The following EPM2A variants were observed in gnomAD, a reference collection of about 807,000 sequenced individuals.
EPM2A encodes the protein EPM2A glucan phosphatase, laforin, also known as laforin.
EPM2A carries 21 observed loss-of-function variants against 26.5 expected under a neutral mutation model. The ratio of observed to expected loss-of-function variants is 0.79; its 90% confidence interval spans 0.56 to 1.14. EPM2A has a LOEUF of 1.14. Ranked by LOEUF, EPM2A falls within the 50% of genes most tolerant of loss-of-function variation. The pLI is 0.00. For missense variants in EPM2A, 458 were observed against 440.8 expected (o/e 1.04, Z -0.35); for synonymous variants, 217 against 177.6 (o/e 1.22, Z -1.76).
At chr6:145,543,460 T>G (rs575442869) in intron 2 of EPM2A, among the ~76,000 whole-genome samples, 5 of 152,162 alleles carry the variant, frequency 3.3e-5, no homozygotes, top group Non-Finnish European at 7.3e-5. Context: ...CAGATGAGAA[T>G]TCTGCAGCTC....
intron 2 of EPM2A, among the ~76,000 whole-genome samples, chr6:145,588,874 A>C (rs1256392692): frequency 6.6e-6 from 1 of 152,224 alleles, no homozygotes; most frequent in Non-Finnish European, 1.5e-5. Flanking sequence ...TGGTTATTTG[A>C]GCAGGGGAAC....
chr6:145,605,809 A>G (rs910803684), intron 2 of EPM2A, among the ~76,000 whole-genome samples: 4 of 152,298 alleles, frequency 2.6e-5, no homozygotes, highest in Admixed American at 2.6e-4. Flanking sequence ...GATGAAATTA[A>G]AAGTCTGCTT....
At chr6:145,470,263 T>C (rs1779457244) in intron 4 of EPM2A, among the ~76,000 whole-genome samples, 1 of 150,602 alleles carries the variant, frequency 6.6e-6, no homozygotes, top group African/African-American at 2.4e-5. Context: ...ATTGTATTTC[T>C]GTATCAAAAT....
At chr6:145,410,069 G>A (rs564918131) in intron 4 of EPM2A, among the ~76,000 whole-genome samples, 14 of 152,234 alleles carry the variant, frequency 9.2e-5, no homozygotes, top group African/African-American at 2.4e-4. Context: ...TATAGATGTC[G>A]GGAGCCTTCT....
intron 4 of EPM2A, among the ~76,000 whole-genome samples, chr6:145,480,231 T>C (rs1779596944): frequency 6.6e-6 from 1 of 151,804 alleles, no homozygotes; most frequent in Non-Finnish European, 1.5e-5. Flanking sequence ...ACAGGAAACA[T>C]GGCTGAGGAG....
At chr6:145,530,247 G>C (rs989216511) in intron 2 of EPM2A, among the ~76,000 whole-genome samples, 1 of 152,132 alleles carries the variant, frequency 6.6e-6, no homozygotes, top group Non-Finnish European at 1.5e-5. Flanking sequence ...AGTGTGGCTG[G>C]AACAATCTGG....
At chr6:145,601,836 T>C (rs924604950) in intron 2 of EPM2A, among the ~76,000 whole-genome samples, 1 of 152,184 alleles carries the variant, frequency 6.6e-6, no homozygotes, top group Non-Finnish European at 1.5e-5. Context: ...AATCCAGGTA[T>C]TGTGTGAACT....
At chr6:145,610,351 G>A (rs1582894797) in intron 2 of EPM2A, among the ~76,000 whole-genome samples, 1 of 152,188 alleles carries the variant, frequency 6.6e-6, no homozygotes, top group Non-Finnish European at 1.5e-5. Flanking sequence ...CTTAAAAGAA[G>A]TCAAAAGCTA....
chr6:145,675,318 C>A (rs1009091995), intron 2 of EPM2A, among the ~76,000 whole-genome samples: 11 of 152,152 alleles, frequency 7.2e-5, no homozygotes, highest in Non-Finnish European at 1.0e-4. Context: ...CTGTTACCAC[C>A]CACTGCAAAA....
intron 2 of EPM2A, among the ~76,000 whole-genome samples, chr6:145,552,342 A>C (rs1207533266): frequency 6.6e-6 from 1 of 152,046 alleles, no homozygotes; most frequent in East Asian, 1.9e-4. Flanking sequence ...CACTTTTAAA[A>C]GCTTCCAAGA....
At chr6:145,538,108 G>A (rs934954060) in intron 2 of EPM2A, among the ~76,000 whole-genome samples, 3 of 152,058 alleles carry the variant, frequency 2.0e-5, no homozygotes, top group African/African-American at 7.2e-5. Context: ...AATCCTTTGG[G>A]TATATTTACC....
chr6:145,662,226 A>T (rs893674543), intron 2 of EPM2A, among the ~76,000 whole-genome samples: 1 of 152,228 alleles, frequency 6.6e-6, no homozygotes. Flanking sequence ...GTAAACATAC[A>T]AGTAGCTATA....
chr6:145,396,615 GA>G (rs997004319), intron 4 of EPM2A, among the ~76,000 whole-genome samples: 5 of 137,202 alleles, frequency 3.6e-5, no homozygotes, highest in Non-Finnish European at 8.2e-5. Context: ...TCTGCCCTCA[GA>G]TACCTGGAGT....
At chr6:145,591,240 G>A (rs1473306811) in intron 2 of EPM2A, among the ~76,000 whole-genome samples, 2 of 152,022 alleles carry the variant, frequency 1.3e-5, no homozygotes, top group African/African-American at 4.8e-5. Context: ...GACATATTTG[G>A]AATACAGGAA....
At chr6:145,724,053 C>T (rs1386973395) in intron 1 of EPM2A, among the ~76,000 whole-genome samples, 1 of 152,098 alleles carries the variant, frequency 6.6e-6, no homozygotes, top group Non-Finnish European at 1.5e-5. Flanking sequence ...GCACTGAATA[C>T]ATGAGGCATT....
intron 1 of EPM2A, among the ~76,000 whole-genome samples, chr6:145,700,137 T>C (rs1781830027): frequency 6.6e-6 from 1 of 152,180 alleles, no homozygotes; most frequent in Non-Finnish European, 1.5e-5. Flanking sequence ...CAGTTTATTA[T>C]ACTATGACTA....
chr6:145,482,844 A>G (rs1032518181), intron 4 of EPM2A, among the ~76,000 whole-genome samples: 1 of 149,468 alleles, frequency 6.7e-6, no homozygotes, highest in Non-Finnish European at 1.5e-5. Context: ...TTGATTATTT[A>G]TGTCTTAAAT....
chr6:145,404,067 T>C (rs1207380695), intron 4 of EPM2A, among the ~76,000 whole-genome samples: 2 of 152,174 alleles, frequency 1.3e-5, no homozygotes, highest in Admixed American at 1.3e-4. Flanking sequence ...TGTCTTCTTG[T>C]GAGAAGTGCC....
intron 4 of EPM2A, among the ~76,000 whole-genome samples, chr6:145,419,329 G>A (rs1582740767): frequency 1.3e-5 from 2 of 152,184 alleles, no homozygotes; most frequent in East Asian, 3.9e-4. Context: ...ATTTCCAAAA[G>A]TCCTTCCAGG....
Sources: gnomAD v4.1 joint callset for allele counts (sites outside exome capture counted in the v4.1 genomes callset) on GRCh38, gnomAD v4.1.1 for gene constraint, MANE v1.5 for transcripts, NCBI Gene and HGNC (gene_info 2026-07-23, HGNC 2026-07-21) for gene names.